The following DAZAP2 variants were observed in gnomAD, a reference collection of about 807,000 sequenced individuals.
DAZAP2 encodes the protein DAZ associated protein 2.
DAZAP2 carries 3 observed loss-of-function variants against 16.2 expected under a neutral mutation model. The observed-to-expected ratio is 0.19, with a 90% CI of 0.08 to 0.48. The LOEUF is 0.48. DAZAP2 is among the 20% of genes least tolerant of loss of function. The probability of loss-of-function intolerance (pLI) is 0.98; values close to 1 mark genes in which losing one functional copy is unlikely to be tolerated. For synonymous variants in DAZAP2, 69 were observed against 77.6 expected, an observed-to-expected ratio of 0.89 and a Z score of 0.58; for missense variants, 172 against 215.9, an observed-to-expected ratio of 0.80 and a Z score of 1.27.
intron 1 of DAZAP2, chr12:51,240,012 C>T (rs1944642688): frequency 1.3e-5 from 4 of 301,484 alleles, no homozygotes; most frequent in Admixed American, 4.5e-5. Flanking sequence ...CAGAGGCACC[C>T]TTGATAAGCC....
At chr12:51,245,884 A>G, downstream of DAZAP2, 1 of 1,547,594 alleles carries the variant, frequency 6.5e-7, no homozygotes, top group Non-Finnish European at 8.8e-7. Context: ...TCCCATAATA[A>G]GCAGTCAACG....
intron 1 of DAZAP2, chr12:51,240,067 A>C: frequency 2.3e-6 from 1 of 438,770 alleles, no homozygotes; most frequent in South Asian, 2.5e-5. Flanking sequence ...TGCATTCCGG[A>C]GGGAACTTGG....
chr12:51,246,194 T>C (rs763224903), downstream of DAZAP2: 111 of 1,554,510 alleles, frequency 7.1e-5, no homozygotes, highest in Middle Eastern at 1.7e-4. Flanking sequence ...GTCATCTGAT[T>C]TAGTCACTGT....
In DAZAP2 at chr12:51,242,728, T is replaced by A; in HGVS notation, c.*270T>A. ...GCCGCCCTAAGGATTTTCCTTTAAT[T>A]TCTCTGGAGTAATACTGTACCATAC... On this transcript the variant is annotated 3_prime_UTR_variant, in exon 4 of 4. Coordinates refer to ENST00000412716, the MANE Select transcript of DAZAP2 (RefSeq NM_014764.4). The A allele has an allele frequency of 6.8e-7, 1 of 1,466,412 alleles. No individual in the cohort carries two copies. Among genetic ancestry groups the A allele is most frequent in the Non-Finnish European group, 9.0e-7 (1 of 1,113,344 alleles). 90.8% of individuals were successfully genotyped at this position (1,466,412 alleles called of 1,614,324 possible).
chr12:51,244,225 G>T (rs1944733922), downstream of DAZAP2, among the ~76,000 whole-genome samples: 1 of 152,106 alleles, frequency 6.6e-6, no homozygotes, highest in South Asian at 2.1e-4. Context: ...TTGAGACAGG[G>T]TCTCCCTCTG....
rs1944705284 is a variant in DAZAP2 at position 51,242,939 on chromosome 12, C to T, written c.*481C>T. The T allele has an allele frequency of 1.8e-6, 2 of 1,102,772 alleles. No individual in the cohort carries two copies. The highest frequency in any genetic ancestry group is 2.2e-6 in the Non-Finnish European group (2 of 904,776). The allele number at this position is 1,102,772 out of a possible 1,614,324, so 68.3% of individuals were successfully genotyped here. A position where few individuals can be genotyped will look rare whatever the true frequency, so the allele number is the denominator to read the frequency against. On this transcript the variant is annotated 3_prime_UTR_variant, in exon 4 of 4. Transcript: ENST00000412716. ...TTTCCTTTCCATCCCTTGCCCCACCCATCCCATCTCCAACCCTAGTCTTCC... is the reference window on the plus strand; with the variant it reads ...TTTCCTTTCCATCCCTTGCCCCACCTATCCCATCTCCAACCCTAGTCTTCC...
rs1424618925 is a variant in DAZAP2, at chr12:51,238,873, C to T, written c.-35C>T. On this transcript the variant is annotated 5_prime_UTR_variant, in exon 1 of 4. Transcript: ENST00000412716. Reference sequence around the variant, plus strand: ...GGAAGAGGACGAAAAAAATAACCGTCCGCGACGCCGAGACAAACCGGACCC... The same window carrying T: ...GGAAGAGGACGAAAAAAATAACCGTTCGCGACGCCGAGACAAACCGGACCC... The T allele has an allele frequency of 1.9e-6, 3 of 1,612,896 alleles. No individual in the cohort carries two copies. The highest frequency in any genetic ancestry group is 1.1e-5 in the South Asian group (1 of 91,084).
chr12:51,240,208 G>C (rs1944647512), intron 1 of DAZAP2, 135 bp from the exon 2 acceptor site: 2 of 706,186 alleles, frequency 2.8e-6, no homozygotes, highest in Non-Finnish European at 5.0e-6. Context: ...TTAGTTCCAG[G>C]AATCAGGCCC....
Position 51,242,636 on chromosome 12 carries a change from T to A in DAZAP2, c.*178T>A. ...AATTTAATAAGGAACCATGTAATGG[T>A]AGCAGTACCTCCCTAAAGCATTTTG... On this transcript the variant is annotated 3_prime_UTR_variant, in exon 4 of 4. Transcript: ENST00000412716. 1.9e-6 allele frequency: 3 copies of A among 1,556,530 alleles called. No homozygotes were observed. The highest frequency in any genetic ancestry group is 2.6e-6 in the Non-Finnish European group (3 of 1,149,676).
In DAZAP2 at chr12:51,243,551, T is replaced by G. The variant is rs1944719603; in HGVS notation, c.*1093T>G. 1.0e-6 allele frequency: 1 copy of G among 985,652 alleles called. No homozygotes were observed. The highest frequency in any genetic ancestry group is 1.2e-6 in the Non-Finnish European group (1 of 829,908). 61.1% of individuals were successfully genotyped at this position (985,652 alleles called of 1,614,324 possible). On this transcript the variant is annotated 3_prime_UTR_variant, in exon 4 of 4. Transcript: ENST00000412716. ...GAATATTTCAGGGATCCTTAATGTT[T>G]TGATTTTTGTTTTCTGAAATTGGAT...
rs570998465 is a variant in DAZAP2, at chr12:51,243,580, ATTTTAT to A, written c.*1126_*1131del. The A allele has an allele frequency of 4.0e-3, 3,846 of 972,972 alleles. 5 individuals are homozygous for A. Among genetic ancestry groups the A allele is most frequent in the Non-Finnish European group, 4.4e-3 (3,656 of 822,442 alleles). 60.3% of individuals were successfully genotyped at this position (972,972 alleles called of 1,614,324 possible). A position where few individuals can be genotyped will look rare whatever the true frequency, so the allele number is the denominator to read the frequency against. On this transcript the variant is annotated 3_prime_UTR_variant, in exon 4 of 4. Coordinates refer to ENST00000412716, the MANE Select transcript of DAZAP2 (RefSeq NM_014764.4). ...TTTTTGTTTTCTGAAATTGGATTTT[ATTTTAT>A]TTTATCTTATAATTTCAGTTCATCT...
rs1401170814 is a variant in DAZAP2, at chr12:51,242,552, A to G, written c.*94A>G. On this transcript the variant is annotated 3_prime_UTR_variant, in exon 4 of 4. Coordinates refer to ENST00000412716, the MANE Select transcript of DAZAP2 (RefSeq NM_014764.4). ...TTTAGTCATATTAACCTGAAGTTGC[A>G]GTTTAGACACATGTTGTTGGGGTGT... 10 of 1,612,770 alleles carry G rather than the reference A, an allele frequency of 6.2e-6. No homozygotes were observed. The highest frequency in any genetic ancestry group is 1.3e-5 in the African/African-American group (1 of 74,916).
chr12:51,244,038 G>A (rs573147406), downstream of DAZAP2: 78 of 493,266 alleles, frequency 1.6e-4, no homozygotes, highest in South Asian at 5.3e-3. Context: ...AGAAATGAGG[G>A]AACTATTGAT....
At chr12:51,245,685 A>G (rs950789720), downstream of DAZAP2, 1 of 450,434 alleles carries the variant, frequency 2.2e-6, no homozygotes, top group African/African-American at 1.9e-5. Flanking sequence ...CCCCTGGCAT[A>G]GCCACATCTT....
chr12:51,242,830 A>C lies in DAZAP2; in HGVS notation c.*372A>C. 5 of 1,386,646 alleles carry C rather than the reference A, an allele frequency of 3.6e-6. No homozygotes were observed. Among genetic ancestry groups the C allele is most frequent in the Non-Finnish European group, 4.6e-6 (5 of 1,077,400 alleles). The allele number at this position is 1,386,646 out of a possible 1,614,324, so 85.9% of individuals were successfully genotyped here. A position where few individuals can be genotyped will look rare whatever the true frequency, so the allele number is the denominator to read the frequency against. On this transcript the variant is annotated 3_prime_UTR_variant, in exon 4 of 4. Coordinates refer to ENST00000412716, the MANE Select transcript of DAZAP2 (RefSeq NM_014764.4). ...GATCTTCCTAAGAATTAAAGTTGCC[A>C]AATTATTCTGATTGGTCTTTAATCT... is the stretch of plus-strand genomic sequence containing the variant.
downstream of DAZAP2, among the ~76,000 whole-genome samples, chr12:51,244,143 A>G (rs1009756657): frequency 2.0e-5 from 3 of 152,192 alleles, no homozygotes; most frequent in Non-Finnish European, 4.4e-5. Flanking sequence ...CCAATGTTCT[A>G]TGTGGAGAAA....
intron 3 of DAZAP2, among the ~76,000 whole-genome samples, chr12:51,241,342 C>T (rs1944673676): frequency 2.0e-5 from 3 of 152,060 alleles, no homozygotes; most frequent in South Asian, 4.1e-4. Flanking sequence ...TCATGTCTGT[C>T]GAGTCCTGCT....
In DAZAP2 at chr12:51,242,766, TTAGTAA is replaced by T; in HGVS notation, c.*311_*316del. 7.1e-7 allele frequency: 1 copy of T among 1,410,766 alleles called. No homozygotes were observed. The highest frequency in any genetic ancestry group is 9.2e-7 in the Non-Finnish European group (1 of 1,088,220). The allele number at this position is 1,410,766 out of a possible 1,614,324, so 87.4% of individuals were successfully genotyped here. ...TACTGTACCATACTGGTCTTTGCTT[TTAGTAA>T]TAAAACATCAAATTAGGTTTGGAGG... On this transcript the variant is annotated 3_prime_UTR_variant, in exon 4 of 4. Transcript: ENST00000412716.
intron 1 of DAZAP2, 171 bp downstream of exon 1, chr12:51,239,091 G>C (rs371144931): frequency 1.1e-6 from 1 of 932,252 alleles, no homozygotes; most frequent in Non-Finnish European, 1.6e-6. Flanking sequence ...CCCAAATTAC[G>C]GCAGCTTGCT....
Sources: gnomAD v4.1 joint callset for allele counts (sites outside exome capture counted in the v4.1 genomes callset) on GRCh38, gnomAD v4.1.1 for gene constraint, MANE v1.5 for transcripts, NCBI Gene and HGNC (gene_info 2026-07-23, HGNC 2026-07-21) for gene names.